The following TMEM108 variants were observed in gnomAD, a reference collection of about 807,000 sequenced individuals.
TMEM108 encodes the protein transmembrane protein 108, also known as cancer/testis antigen 124.
In TMEM108, 12 loss-of-function variants were observed where a neutral mutation model predicts 35.1. The ratio of observed to expected loss-of-function variants is 0.34; its 90% CI spans 0.22 to 0.55. The LOEUF (loss-of-function observed/expected upper bound fraction) is 0.55. Among genes scored for constraint, TMEM108 ranks in the 20% least tolerant of loss-of-function variants. The pLI, the probability that TMEM108 is intolerant of heterozygous loss-of-function variation, is 0.89. For missense variants in TMEM108, 680 were observed against 753.3 expected (o/e 0.90, Z 1.14); for synonymous variants, 287 against 308.6 (o/e 0.93, Z 0.73).
intron 3 of TMEM108, among the ~76,000 whole-genome samples, chr3:133,294,470 ACTTC>A (rs1176659887): frequency 6.6e-6 from 1 of 152,194 alleles, no homozygotes; most frequent in East Asian, 1.9e-4. Context: ...TGTTTTCTCT[ACTTC>A]CTTCAAATAT....
intron 3 of TMEM108, among the ~76,000 whole-genome samples, chr3:133,252,271 T>C (rs1946482597): frequency 6.6e-6 from 1 of 152,156 alleles, no homozygotes; most frequent in African/African-American, 2.4e-5. Flanking sequence ...GTGAGATGAA[T>C]GAAAACAGGA....
chr3:133,094,202 T>C (rs1943982460), intron 2 of TMEM108, among the ~76,000 whole-genome samples: 1 of 143,034 alleles, frequency 7.0e-6, no homozygotes, highest in African/African-American at 2.6e-5. Context: ...ATTCTTTCTT[T>C]CTCCCCTTCC....
At chr3:133,169,743 A>G (rs990288964) in intron 2 of TMEM108, among the ~76,000 whole-genome samples, 13 of 152,186 alleles carry the variant, frequency 8.5e-5, no homozygotes, top group African/African-American at 2.9e-4. Context: ...ACCTGAGAAG[A>G]ATGTATCTAG....
At chr3:133,163,191 A>G (rs901606275) in intron 2 of TMEM108, among the ~76,000 whole-genome samples, 1 of 152,144 alleles carries the variant, frequency 6.6e-6, no homozygotes, top group Non-Finnish European at 1.5e-5. Flanking sequence ...AAAGCAGAGG[A>G]CAGGTTGGGG....
chr3:133,135,785 G>T (rs1944557029), intron 2 of TMEM108, among the ~76,000 whole-genome samples: 1 of 152,044 alleles, frequency 6.6e-6, no homozygotes, highest in Non-Finnish European at 1.5e-5. Flanking sequence ...AGCACTGGAG[G>T]ATGTACTCCA....
intron 2 of TMEM108, among the ~76,000 whole-genome samples, chr3:133,068,739 A>G (rs1236560218): frequency 6.6e-6 from 1 of 152,204 alleles, no homozygotes; most frequent in Non-Finnish European, 1.5e-5. Context: ...CTGTGAGGAT[A>G]TAAAGTGGGG....
chr3:133,270,764 T>C (rs946490885), intron 3 of TMEM108, among the ~76,000 whole-genome samples: 3 of 151,550 alleles, frequency 2.0e-5, no homozygotes, highest in African/African-American at 7.3e-5. Flanking sequence ...TCTCCCTGTT[T>C]TTTTTATAAG....
chr3:133,393,858 T>C (rs915582777), intron 5 of TMEM108, among the ~76,000 whole-genome samples: 1 of 152,144 alleles, frequency 6.6e-6, no homozygotes, highest in African/African-American at 2.4e-5. Flanking sequence ...AGTTAGTCAT[T>C]TGGCACAGAG....
intron 3 of TMEM108, among the ~76,000 whole-genome samples, chr3:133,324,724 T>C (rs1244142610): frequency 6.6e-6 from 1 of 152,166 alleles, no homozygotes; most frequent in Non-Finnish European, 1.5e-5. Flanking sequence ...ACACCTGTAA[T>C]CCCAGCACTT....
intron 2 of TMEM108, among the ~76,000 whole-genome samples, chr3:133,097,831 C>T (rs1282554105): frequency 6.6e-6 from 1 of 152,178 alleles, no homozygotes; most frequent in Admixed American, 6.5e-5. Flanking sequence ...GCAATACACT[C>T]CTCCATCACT....
At chr3:133,045,052 C>T (rs1943319050) in intron 1 of TMEM108, among the ~76,000 whole-genome samples, 1 of 151,372 alleles carries the variant, frequency 6.6e-6, no homozygotes, top group Admixed American at 6.6e-5. Context: ...ACTGCAAGCT[C>T]CGCCTTCTGG....
At chr3:133,282,929 T>C (rs1009671000) in intron 3 of TMEM108, among the ~76,000 whole-genome samples, 3 of 152,186 alleles carry the variant, frequency 2.0e-5, no homozygotes, top group Non-Finnish European at 4.4e-5. Flanking sequence ...CCAAAACATA[T>C]GGATAAATGA....
At chr3:133,087,456 G>A (rs1943897627) in intron 2 of TMEM108, among the ~76,000 whole-genome samples, 1 of 152,172 alleles carries the variant, frequency 6.6e-6, no homozygotes, top group Non-Finnish European at 1.5e-5. Flanking sequence ...GTTTCCACTG[G>A]CTTGGGGTTA....
At chr3:133,369,011 A>G (rs1156577397) in intron 3 of TMEM108, among the ~76,000 whole-genome samples, 2 of 152,374 alleles carry the variant, frequency 1.3e-5, no homozygotes, top group South Asian at 2.1e-4. Context: ...CACTCTGCAC[A>G]TAGGCATTAT....
intron 3 of TMEM108, among the ~76,000 whole-genome samples, chr3:133,293,211 C>T (rs917281498): frequency 6.6e-6 from 1 of 151,896 alleles, no homozygotes; most frequent in African/African-American, 2.4e-5. Flanking sequence ...AGGATCCAGC[C>T]TCCAACTTTC....
chr3:133,256,582 G>T (rs1946549490), intron 3 of TMEM108, among the ~76,000 whole-genome samples: 1 of 152,126 alleles, frequency 6.6e-6, no homozygotes, highest in African/African-American at 2.4e-5. Context: ...TTGTTAGGAT[G>T]GAAAATATAT....
chr3:133,277,815 A>G (rs1403939099), intron 3 of TMEM108, among the ~76,000 whole-genome samples: 1 of 152,226 alleles, frequency 6.6e-6, no homozygotes, highest in African/African-American at 2.4e-5. Context: ...TTGTTTCCAT[A>G]GAAAGACCAT....
At chr3:133,129,286 T>C (rs1481374709) in intron 2 of TMEM108, among the ~76,000 whole-genome samples, 1 of 150,814 alleles carries the variant, frequency 6.6e-6, no homozygotes, top group Non-Finnish European at 1.5e-5. Context: ...GGGGCTGCAG[T>C]GAGCATCGAG....
At chr3:133,153,622 G>A (rs1184667400) in intron 2 of TMEM108, among the ~76,000 whole-genome samples, 1 of 152,128 alleles carries the variant, frequency 6.6e-6, no homozygotes, top group African/African-American at 2.4e-5. Flanking sequence ...TAAGCACTTG[G>A]CTTTTGATCC....
Sources: allele counts gnomAD v4.1 joint callset (sites outside exome capture counted in the v4.1 genomes callset), GRCh38; gene constraint gnomAD v4.1.1; transcripts MANE v1.5; gene names NCBI Gene and HGNC (gene_info 2026-07-23, HGNC 2026-07-21).